The following NLRP14 variants were observed in gnomAD, a reference collection of about 807,000 sequenced individuals.
NLRP14 encodes the protein NLR family pyrin domain containing 14.
In NLRP14, 105 loss-of-function variants were observed where a neutral mutation model predicts 94.7. The ratio of observed to expected loss-of-function variants is 1.11; its 90% confidence interval spans 0.95 to 1.30. NLRP14 has a LOEUF of 1.30. NLRP14 is among the 50% of genes most tolerant of loss of function. The pLI is 0.00. For missense variants in NLRP14, 1,362 were observed against 1,254.1 expected (o/e 1.09, Z -1.30); for synonymous variants, 508 against 459.9 (o/e 1.10, Z -1.34).
At position 7,060,042 on chromosome 11, in the gene NLRP14, A is replaced by G. The variant is rs1852592777; in HGVS notation, c.2782A>G (p.Ser928Gly). The G allele has an allele frequency of 1.2e-6, 2 of 1,612,698 alleles. No individual in the cohort carries two copies. Among genetic ancestry groups the G allele is most frequent in the African/African-American group, 1.3e-5 (1 of 74,948 alleles). The change falls in exon 9 of 12, where the codon AGC (serine) becomes GGC (glycine). Residue 928 changes from serine to glycine, a missense_variant. Ser to Gly is a moderately conservative substitution (Grantham distance 56). Coordinates refer to ENST00000299481, the MANE Select transcript of NLRP14 (RefSeq NM_176822.4). ...TCTGTGTGATGTCTTTCGGCATCCA[A>G]GCTGTAATCTTCAGGACTTGGAGTA... is the stretch of plus-strand genomic sequence containing the variant. ...KLLCDVFRHP[S>G]CNLQDLELMG...
At chr11:7,089,613 G>A in the NLRP14 span, 19 of 1,203,960 alleles carry the variant, frequency 1.6e-5, no homozygotes, top group East Asian at 7.8e-5. Context: ...CAAGAGGGCC[G>A]CGCCGTCGGG....
intron 3 of NLRP14, among the ~76,000 whole-genome samples, chr11:7,042,176 G>T (rs1344027463): frequency 1.3e-5 from 2 of 150,142 alleles, no homozygotes; most frequent in Non-Finnish European, 3.0e-5. Context: ...CATCTATTCT[G>T]GTTTTTATTA....
the NLRP14 span, chr11:7,089,608 G>A: frequency 3.9e-5 from 47 of 1,200,864 alleles, 2 homozygotes; most frequent in Non-Finnish European, 4.5e-5. Context: ...CCCCCCAAGA[G>A]GGCCGCGCCG....
chr11:7,038,082 G>C (rs1176886396), intron 1 of NLRP14, among the ~76,000 whole-genome samples: 4 of 152,114 alleles, frequency 2.6e-5, no homozygotes, highest in Non-Finnish European at 5.9e-5. Flanking sequence ...GTGTTGGCAG[G>C]GGTGCAATAA....
intron 6 of NLRP14, among the ~76,000 whole-genome samples, chr11:7,053,955 T>A (rs1011820848): frequency 6.6e-6 from 1 of 152,164 alleles, no homozygotes; most frequent in Non-Finnish European, 1.5e-5. Flanking sequence ...ATTCCCCCAC[T>A]GTGCTTCCTA....
chr11:7,062,899 G>C (rs1032251857), intron 10 of NLRP14, among the ~76,000 whole-genome samples: 1 of 152,040 alleles, frequency 6.6e-6, no homozygotes, highest in Non-Finnish European at 1.5e-5. Context: ...ATCACATTCT[G>C]TGTTGTGGAC....
At chr11:7,090,408 C>A in the NLRP14 span, 1 of 1,341,090 alleles carries the variant, frequency 7.5e-7, no homozygotes, top group Non-Finnish European at 1.0e-6. Flanking sequence ...GTTGTTTTTA[C>A]CTTTTAAGAA....
At chr11:7,022,974 GA>G (rs1311747292) in intron 1 of NLRP14, among the ~76,000 whole-genome samples, 1 of 151,982 alleles carries the variant, frequency 6.6e-6, no homozygotes, top group Non-Finnish European at 1.5e-5. Flanking sequence ...CAGAAAGAAA[GA>G]CAATAGAAAC....
At chr11:7,052,401 C>T (rs747117317) in intron 6 of NLRP14, among the ~76,000 whole-genome samples, 12 of 152,254 alleles carry the variant, frequency 7.9e-5, no homozygotes, top group Middle Eastern at 3.4e-3. Context: ...GTGAGGCTGA[C>T]AACCTTGGAT....
At chr11:7,057,599 A>T (rs1227249868) in intron 6 of NLRP14, 78 bp from the exon 7 acceptor site, 1 of 1,360,230 alleles carries the variant, frequency 7.4e-7, no homozygotes, top group African/African-American at 1.4e-5. Context: ...GAAACTTCCT[A>T]CCTTTGGGAT....
intron 6 of NLRP14, among the ~76,000 whole-genome samples, chr11:7,052,490 G>A (rs1007143615): frequency 1.3e-5 from 2 of 151,984 alleles, no homozygotes; most frequent in African/African-American, 2.4e-5. Context: ...AAAACTAACT[G>A]GGCATGGTGA....
chr11:7,074,120 C>A (rs1480918593), downstream of NLRP14, among the ~76,000 whole-genome samples: 1 of 152,180 alleles, frequency 6.6e-6, no homozygotes, highest in South Asian at 2.1e-4. Context: ...AGTTTTAGGA[C>A]CTGTGTGCCT....
At chr11:7,045,857 T>C (rs1382403355) in intron 4 of NLRP14, among the ~76,000 whole-genome samples, 1 of 151,996 alleles carries the variant, frequency 6.6e-6, no homozygotes, top group Non-Finnish European at 1.5e-5. Context: ...ATTTTCACAG[T>C]TGTCCTAAAA....
downstream of NLRP14, among the ~76,000 whole-genome samples, chr11:7,072,578 G>A (rs11041159): frequency 0.082 from 12,522 of 152,020 alleles, 629 homozygotes; most frequent in Admixed American, 0.15. Context: ...TCCCTTGGGC[G>A]GGTTGTTGCT....
At chr11:7,075,162 GT>G (rs1852859602), downstream of NLRP14, among the ~76,000 whole-genome samples, 1 of 152,138 alleles carries the variant, frequency 6.6e-6, no homozygotes, top group South Asian at 2.1e-4. Context: ...AGCTTCCAAG[GT>G]TTTTCCAGGG....
At chr11:7,070,261 T>C (rs1490602168) in intron 10 of NLRP14, 25 bp from the exon 11 acceptor site, 1 of 1,573,664 alleles carries the variant, frequency 6.4e-7, no homozygotes, top group Non-Finnish European at 8.7e-7. Context: ...AATTCATTTT[T>C]ATCTTTTGTC....
chr11:7,070,547 A>C, intron 11 of NLRP14, 91 bp downstream of exon 11: 2 of 801,564 alleles, frequency 2.5e-6, no homozygotes, highest in Non-Finnish European at 2.1e-6. Flanking sequence ...AATCCACCTA[A>C]TTGTGTATCA....
chr11:7,039,399 C>T lies in NLRP14; in HGVS notation c.290-315C>T, dbSNP rs548852916. On this transcript the variant is annotated intron_variant, in intron 2 of 11. Transcript: ENST00000299481. ...TATATATAATATTCATATCTATTATCTCCTTTGCACCTCACCGTATCGTAG... is the reference window on the plus strand; with the variant it reads ...TATATATAATATTCATATCTATTATTTCCTTTGCACCTCACCGTATCGTAG... Among the ~76,000 whole-genome samples the T allele has an allele frequency of 3.3e-5, 5 of 151,850 alleles. No homozygotes were observed. The South Asian group carries it at 1.0e-3, about 32-fold the overall frequency.
rs1249295965 is a variant in NLRP14 at position 7,057,827 on chromosome 11, G to A, written c.2442G>A (p.Lys814=). Residue 814 remains lysine, a synonymous_variant, in exon 7 of 12, where the codon AAG becomes AAA. Transcript: ENST00000299481. ...TGTGTGAGGCCTTAAGACATCCAAAGTGTTATCTAGAGAGACTGTCGTGAG... is the reference window on the plus strand; with the variant it reads ...TGTGTGAGGCCTTAAGACATCCAAAATGTTATCTAGAGAGACTGTCGTGAG... The part of the protein sequence containing the change: ...QLLCEALRHP[K]CYLERLSLES... The A allele has an allele frequency of 6.2e-7, 1 of 1,612,256 alleles. No individual in the cohort carries two copies. The highest frequency in any genetic ancestry group is 8.5e-7 in the Non-Finnish European group (1 of 1,178,566).
Sources: allele counts gnomAD v4.1 joint callset (sites outside exome capture counted in the v4.1 genomes callset), GRCh38; gene constraint gnomAD v4.1.1; transcripts MANE v1.5; gene names NCBI Gene and HGNC (gene_info 2026-07-23, HGNC 2026-07-21).